Variants in KCNIP1 observed in about 807,000 individuals in gnomAD.
KCNIP1 encodes the protein A-type potassium channel modulatory protein KCNIP1.
In KCNIP1, 18 loss-of-function variants were observed where a neutral mutation model predicts 33.0. The observed-to-expected ratio is 0.55, with a 90% confidence interval of 0.38 to 0.81. The LOEUF is 0.81. KCNIP1 is among the 30% of genes least tolerant of loss of function. KCNIP1 has a pLI of 0.00. For synonymous variants in KCNIP1, 93 were observed against 98.3 expected (o/e 0.95, Z 0.32); for missense variants, 238 against 271.6 (o/e 0.88, Z 0.87).
rs189890904 is a variant in KCNIP1 at position 170,409,492 on chromosome 5, A to G, written c.88+55528A>G. On this transcript the variant is annotated intron_variant, in intron 1 of 7. Transcript: ENST00000377360. ...CTCTTGTAACTTGGGAACAAACAGT[A>G]CCCCATGAATAAGTTCACAGAGGCA... Among the ~76,000 whole-genome samples the G allele has an allele frequency of 2.0e-5, 3 of 152,238 alleles. No individual in the cohort carries two copies. In the East Asian group the frequency reaches 5.8e-4, roughly 29 times the overall value.
chr5:170,653,133 C>T (rs113258471), intron 1 of KCNIP1, among the ~76,000 whole-genome samples: 3,006 of 152,286 alleles, frequency 0.02, 49 homozygotes, highest in Non-Finnish European at 0.032. Flanking sequence ...ATGCAGACAG[C>T]GATTGGAGAA....
chr5:170,660,672 C>T (rs1450536662), intron 1 of KCNIP1, among the ~76,000 whole-genome samples: 1 of 152,218 alleles, frequency 6.6e-6, no homozygotes, highest in Non-Finnish European at 1.5e-5. Flanking sequence ...TCTCCTTCTT[C>T]TTGTCAAATG....
In KCNIP1 at chr5:170,462,252, C is replaced by A. The variant is rs1246985520; in HGVS notation, c.88+108288C>A. On this transcript the variant is annotated intron_variant, in intron 1 of 7. Coordinates refer to the KCNIP1 transcript ENST00000377360. ...TAATATCCAGAATCTACAACAAACT[C>A]AAACAAATTAGCAAAAAAAAAAAAA... Among the ~76,000 whole-genome samples the A allele has an allele frequency of 2.3e-4, 9 of 39,676 alleles. No homozygotes were observed. The East Asian group carries it at 2.8e-3, about 13-fold the overall frequency. The allele number at this position is 39,676 out of a possible 152,430, so 26.0% of individuals were successfully genotyped here.
chr5:170,487,505 C>T (rs1044244221), intron 1 of KCNIP1, among the ~76,000 whole-genome samples: 34 of 150,402 alleles, frequency 2.3e-4, no homozygotes, highest in African/African-American at 1.2e-4. Context: ...ATCATCATCA[C>T]GATATAGTCA....
At chr5:170,710,764 G>A (rs1160588000) in intron 1 of KCNIP1, among the ~76,000 whole-genome samples, 1 of 152,180 alleles carries the variant, frequency 6.6e-6, no homozygotes, top group African/African-American at 2.4e-5. Flanking sequence ...GGGATCTTCA[G>A]CTTCTATGCC....
chr5:170,504,178 G>C lies in KCNIP1; in HGVS notation c.-395G>C. The C allele has an allele frequency of 9.9e-7, 1 of 1,013,968 alleles. No homozygotes were observed. The highest frequency in any genetic ancestry group is 1.2e-6 in the Non-Finnish European group (1 of 849,392). 62.8% of individuals were successfully genotyped at this position (1,013,968 alleles called of 1,614,324 possible). ...GGGGAGCCGAGTGTGCGGCAGGAGGGGCGGGCGGACGGCGGCTCCCGCACC... is the reference window on the plus strand; with the variant it reads ...GGGGAGCCGAGTGTGCGGCAGGAGGCGCGGGCGGACGGCGGCTCCCGCACC... On this transcript the variant is annotated 5_prime_UTR_variant, in exon 1 of 8. Coordinates refer to ENST00000328939, the MANE Select transcript of KCNIP1 (RefSeq NM_014592.4). The surrounding 1 kb of genome is among the most constrained non-coding windows in gnomAD (Gnocchi z 6.0).
At chr5:170,384,004 C>A (rs1764365050) in intron 1 of KCNIP1, among the ~76,000 whole-genome samples, 2 of 152,210 alleles carry the variant, frequency 1.3e-5, no homozygotes, top group South Asian at 4.1e-4. Context: ...AGGCACATGA[C>A]CCCACAGTCC....
At chr5:170,420,568 ATGCAT>A (rs1339005343) in intron 1 of KCNIP1, 1 of 152,108 alleles carries the variant, frequency 6.6e-6, no homozygotes, top group African/African-American at 2.4e-5. Context: ...ACAGCGTATA[ATGCAT>A]GTAACATATA....
chr5:170,672,651 C>T (rs1761970660), intron 1 of KCNIP1, among the ~76,000 whole-genome samples: 1 of 152,374 alleles, frequency 6.6e-6, no homozygotes, highest in South Asian at 2.1e-4. Context: ...AATTTAGCCT[C>T]GGCTTCTTAG....
chr5:170,650,464 A>G (rs776704389), intron 1 of KCNIP1, among the ~76,000 whole-genome samples: 2 of 152,110 alleles, frequency 1.3e-5, no homozygotes, highest in Non-Finnish European at 2.9e-5. Context: ...ATTCTGCATT[A>G]TTCTGGGACT....
At chr5:170,424,228 A>G (rs907908133) in intron 1 of KCNIP1, among the ~76,000 whole-genome samples, 1 of 152,328 alleles carries the variant, frequency 6.6e-6, no homozygotes, top group Admixed American at 6.5e-5. Flanking sequence ...AGGAATGAAG[A>G]GCAGGCACGA....
intron 1 of KCNIP1, among the ~76,000 whole-genome samples, chr5:170,645,665 A>G (rs1034221102): frequency 1.3e-5 from 2 of 152,184 alleles, no homozygotes; most frequent in African/African-American, 4.8e-5. Flanking sequence ...AAGAGCAGAT[A>G]TCGTATTTTT....
rs77909622 is a variant in KCNIP1, at chr5:170,432,911, C to T, written c.88+78947C>T. Among the ~76,000 whole-genome samples, 191 of 151,926 alleles carry T rather than the reference C, an allele frequency of 1.3e-3. 5 individuals carry two copies. In the East Asian group the frequency reaches 0.033, roughly 26 times the overall value. On this transcript the variant is annotated intron_variant, in intron 1 of 7. Transcript: ENST00000377360. The stretch of plus-strand genomic sequence containing the variant: ...TCTGAAGGAAAGGAATAGGGATTTA[C>T]AATGGTGTAAAACAAAGGAAGTGGG...
chr5:170,474,926 G>T (rs1561642421), intron 1 of KCNIP1, among the ~76,000 whole-genome samples: 1 of 152,220 alleles, frequency 6.6e-6, no homozygotes, highest in Admixed American at 6.5e-5. Flanking sequence ...TGCCGCCGCT[G>T]GTCAGGGTAG....
chr5:170,585,737 C>G (rs964105154), intron 1 of KCNIP1, among the ~76,000 whole-genome samples: 5 of 152,158 alleles, frequency 3.3e-5, no homozygotes, highest in African/African-American at 1.2e-4. Context: ...AGTGAATATT[C>G]CTCCCAGGGC....
intron 1 of KCNIP1, among the ~76,000 whole-genome samples, chr5:170,540,434 C>T (rs1249226612): frequency 1.3e-5 from 2 of 152,214 alleles, no homozygotes; most frequent in African/African-American, 2.4e-5. Flanking sequence ...TGAGTTATTG[C>T]ACCAACAGCT....
In KCNIP1 at chr5:170,673,357, T is replaced by C. The variant is rs537420588; in HGVS notation, c.62-45401T>C. Among the ~76,000 whole-genome samples the C allele has an allele frequency of 3.3e-5, 5 of 152,316 alleles. No homozygotes were observed. In the East Asian group the frequency reaches 9.7e-4, roughly 29 times the overall value. On this transcript the variant is annotated intron_variant, in intron 1 of 7. Coordinates refer to ENST00000328939, the MANE Select transcript of KCNIP1 (RefSeq NM_014592.4). ...ACACTGAGGCTCTATTCCCGATCTGTTAAGTGAGAGTGGTGATGATGACGA... is the reference window on the plus strand; with the variant it reads ...ACACTGAGGCTCTATTCCCGATCTGCTAAGTGAGAGTGGTGATGATGACGA...
At chr5:170,589,728 G>A (rs867700339) in intron 1 of KCNIP1, among the ~76,000 whole-genome samples, 6 of 70,682 alleles carry the variant, frequency 8.5e-5, no homozygotes, top group South Asian at 9.4e-4. Context: ...GTGTGATGTG[G>A]TGTGGTGTGG....
chr5:170,671,987 T>C (rs1451770655), intron 1 of KCNIP1, among the ~76,000 whole-genome samples: 3 of 151,998 alleles, frequency 2.0e-5, no homozygotes, highest in Admixed American at 6.6e-5. Context: ...AGGGGTGCAG[T>C]TTTATGGATG....
Sources: allele counts gnomAD v4.1 joint callset (sites outside exome capture counted in the v4.1 genomes callset), GRCh38; gene constraint gnomAD v4.1.1; non-coding constraint Gnocchi (gnomAD v3.1); transcripts MANE v1.5; gene names NCBI Gene and HGNC (gene_info 2026-07-23, HGNC 2026-07-21).